Variants in PIWIL3 observed in about 807,000 individuals in gnomAD.
The protein encoded by PIWIL3 is piwi-like protein 3.
In PIWIL3, 101 loss-of-function variants were observed where a neutral mutation model predicts 109.7. The observed-to-expected ratio is 0.92, with a 90% CI of 0.78 to 1.09. The LOEUF (loss-of-function observed/expected upper bound fraction) is 1.09. Ranked by LOEUF, PIWIL3 falls within the 50% of genes least tolerant of loss-of-function variation. The pLI, the probability that PIWIL3 is intolerant of heterozygous loss-of-function variation, is 0.00. For synonymous variants in PIWIL3, 373 were observed against 376.4 expected (o/e 0.99, Z 0.10); for missense variants, 1,031 against 1,072.6 (o/e 0.96, Z 0.54).
At chr22:24,730,918 G>A (rs572316604) in intron 14 of PIWIL3, among the ~76,000 whole-genome samples, 16 of 152,226 alleles carry the variant, frequency 1.1e-4, no homozygotes, top group Non-Finnish European at 2.4e-4. Flanking sequence ...AAAGAAAGCT[G>A]TAACCTGAAT....
rs115937238 is a variant in PIWIL3 at position 24,719,557 on chromosome 22, T to A, written c.2537A>T (p.Tyr846Phe). Residue 846 changes from tyrosine (Y) to phenylalanine (F), a missense_variant, in exon 21 of 21, where the codon TAT becomes TTT. Physicochemically the swap from Tyr to Phe is conservative, Grantham distance 22. Coordinates refer to ENST00000616349, the MANE Select transcript of PIWIL3 (RefSeq NM_001255975.1). ...GIIRVPAPCH[Y>F]AHKLAYLVGQ... is the part of the protein sequence containing the mutation. ...CACGAGGTAAGCCAGCTTGTGGGCATAGTGGCAAGGCGCTGGAACTCGGAT... is the reference window on the plus strand; with the variant it reads ...CACGAGGTAAGCCAGCTTGTGGGCAAAGTGGCAAGGCGCTGGAACTCGGAT... 6.2e-7 allele frequency: 1 copy of A among 1,604,650 alleles called. No homozygotes were observed. The highest frequency in any genetic ancestry group is 1.3e-5 in the African/African-American group (1 of 74,258).
Position 24,725,434 on chromosome 22 carries a change from A to C in PIWIL3, c.2080+11T>G, listed in dbSNP as rs769057173. 46 of 1,613,330 alleles carry C rather than the reference A, an allele frequency of 2.9e-5. No homozygotes were observed. In the African/African-American group the frequency reaches 5.7e-4, roughly 20 times the overall value. ...TAGTGTCGGGTTCCCCGACCGCTAC[A>C]AGACACTGACCTTTCAAGCAGATCT... On this transcript the variant is annotated intron_variant, in intron 17 of 20. Transcript: ENST00000616349.
At chr22:24,766,633 T>A (rs1333696176) in intron 1 of PIWIL3, among the ~76,000 whole-genome samples, 1 of 152,158 alleles carries the variant, frequency 6.6e-6, no homozygotes, top group Non-Finnish European at 1.5e-5. Context: ...AGCCTAGATA[T>A]TTTTTAAAAA....
intron 1 of PIWIL3, among the ~76,000 whole-genome samples, chr22:24,768,123 A>G (rs1193111456): frequency 6.6e-6 from 1 of 152,196 alleles, no homozygotes; most frequent in African/African-American, 2.4e-5. Context: ...CATCAGTGCA[A>G]AACTCTTATT....
At position 24,750,482 on chromosome 22, in the gene PIWIL3, A is replaced by ATTTTTTTTT. The variant is rs1241174453; in HGVS notation, c.1090-664_1090-663insAAAAAAAAA. On this transcript the variant is annotated intron_variant, in intron 9 of 20. Transcript: ENST00000616349. ...CTTATCTGAAGTCTTACCACATTTG[A>ATTTTTTTTT]TTTTTTTTCTTTTTTTTTTTTTTGA... 1.3e-3 allele frequency among the ~76,000 whole-genome samples: 143 copies of ATTTTTTTTT among 114,292 alleles called. 4 individuals are homozygous for ATTTTTTTTT. The highest frequency in any genetic ancestry group is 1.5e-3 in the Non-Finnish European group (85 of 56,222). The allele number at this position is 114,292 out of a possible 152,430, so 75.0% of individuals were successfully genotyped here. A position where few individuals can be genotyped will look rare whatever the true frequency, so the allele number is the denominator to read the frequency against.
rs775176695 is a variant in PIWIL3 at position 24,754,007 on chromosome 22, G to A, written c.977+7C>T. On this transcript the variant is annotated splice_region_variant and intron_variant, in intron 8 of 20. Transcript: ENST00000616349. ...TGATTGGATAGGTTTTTAAAAGACA[G>A]ACTTACTTTGTCAGAACAATTGATC... The A allele has an allele frequency of 1.3e-6, 2 of 1,589,230 alleles. No individual in the cohort carries two copies. Among genetic ancestry groups the A allele is most frequent in the Admixed American group, 1.7e-5 (1 of 59,958 alleles).
Position 24,754,094 on chromosome 22 carries a change from C to T in PIWIL3, c.897G>A (p.Lys299=). 3 of 1,613,340 alleles carry T rather than the reference C, an allele frequency of 1.9e-6. No homozygotes were observed. Among genetic ancestry groups the T allele is most frequent in the Non-Finnish European group, 2.5e-6 (3 of 1,179,262 alleles). Residue 299 remains lysine (K), a synonymous_variant, in exon 8 of 21, where the codon AAG becomes AAA. Transcript: ENST00000616349. ...CTGTCTGGGCCTGGGCAGATGTTCT[C>T]TTTATGAAATCATAAGCAGTTTCTA... ...LRIETAYDFI[K]RTSAQAQTGN...
chr22:24,733,586 C>A (rs1293834706), intron 14 of PIWIL3, among the ~76,000 whole-genome samples: 1 of 152,060 alleles, frequency 6.6e-6, no homozygotes, highest in Non-Finnish European at 1.5e-5. Context: ...GAGGCTGAGG[C>A]AGGAGAATTG....
At chr22:24,743,496 A>G (rs935593347) in intron 12 of PIWIL3, among the ~76,000 whole-genome samples, 1 of 152,252 alleles carries the variant, frequency 6.6e-6, no homozygotes, top group Admixed American at 6.5e-5. Context: ...ACCATGGAAT[A>G]CTACTCAGCC....
intron 4 of PIWIL3, among the ~76,000 whole-genome samples, chr22:24,757,079 CAAAAAAAA>C (rs71189275): frequency 0.024 from 2,235 of 91,790 alleles, 61 homozygotes; most frequent in African/African-American, 0.093. Context: ...AACTCCGTCT[CAAAAAAAA>C]AAAAAAAAAA....
rs150451786 is a variant in PIWIL3 at position 24,724,498 on chromosome 22, G to C, written c.2231+389C>G. Among the ~76,000 whole-genome samples the C allele has an allele frequency of 2.8e-3, 417 of 151,192 alleles. 3 individuals are homozygous for C. Among genetic ancestry groups the C allele is most frequent in the African/African-American group, 9.5e-3 (390 of 41,120 alleles). The stretch of plus-strand genomic sequence containing the variant: ...TGCCCAGGCTGGAATGCAATGGCGC[G>C]ATCTCGGCTCACTGCAACCTCTGCC... On this transcript the variant is annotated intron_variant, in intron 18 of 20. Transcript: ENST00000616349.
chr22:24,730,152 G>A (rs1923253554), intron 14 of PIWIL3, among the ~76,000 whole-genome samples: 1 of 151,942 alleles, frequency 6.6e-6, no homozygotes, highest in South Asian at 2.1e-4. Context: ...AGATCACAAG[G>A]TCAGGAGTTC....
In PIWIL3 at chr22:24,762,537, A is replaced by C; in HGVS notation, c.-22-16T>G. On this transcript the variant is annotated splice_polypyrimidine_tract_variant and intron_variant, in intron 1 of 20. Coordinates refer to ENST00000616349, the MANE Select transcript of PIWIL3 (RefSeq NM_001255975.1). ...GGTGATGACCCTGAAGAATACAGTT[A>C]TATTAGACATCTCTGTGGAGTTGCC... The C allele has an allele frequency of 6.3e-7, 1 of 1,581,284 alleles. No individual in the cohort carries two copies.
At chr22:24,763,638 CCA>C (rs1170337881) in intron 1 of PIWIL3, among the ~76,000 whole-genome samples, 1 of 152,116 alleles carries the variant, frequency 6.6e-6, no homozygotes, top group Non-Finnish European at 1.5e-5. Context: ...TGGTTATCTT[CCA>C]CACAGAGACT....
At chr22:24,734,293 A>T in intron 13 of PIWIL3, 137 bp from the exon 14 acceptor site, 1 of 1,343,264 alleles carries the variant, frequency 7.4e-7, no homozygotes. Context: ...GTTTAAAAGA[A>T]AAAAGACAGT....
chr22:24,758,189 T>C (rs1925209638), intron 3 of PIWIL3, 150 bp from the exon 4 acceptor site: 1 of 981,684 alleles, frequency 1.0e-6, no homozygotes, highest in East Asian at 2.6e-5. Context: ...CGCAAAAGCG[T>C]AACCTTACCC....
chr22:24,743,818 T>TA (rs1420956661), intron 12 of PIWIL3, among the ~76,000 whole-genome samples: 1 of 151,996 alleles, frequency 6.6e-6, no homozygotes, highest in African/African-American at 2.4e-5. Context: ...AAATAAAATT[T>TA]AAAAAAACAG....
At chr22:24,753,009 T>C (rs564158706) in intron 8 of PIWIL3, among the ~76,000 whole-genome samples, 1 of 152,344 alleles carries the variant, frequency 6.6e-6, no homozygotes, top group Non-Finnish European at 1.5e-5. Flanking sequence ...CTTTTGTCCA[T>C]TTTAAAAATT....
At chr22:24,749,296 T>G in intron 11 of PIWIL3, 108 bp downstream of exon 11, 2 of 1,494,150 alleles carry the variant, frequency 1.3e-6, no homozygotes, top group Non-Finnish European at 1.8e-6. Context: ...ATTCTTCCCA[T>G]TGTCACTTGC....
Sources: allele counts gnomAD v4.1 joint callset (sites outside exome capture counted in the v4.1 genomes callset), GRCh38; gene constraint gnomAD v4.1.1; transcripts MANE v1.5; gene names NCBI Gene and HGNC (gene_info 2026-07-23, HGNC 2026-07-21).